LZTFL1: variants seen among roughly 807,000 people sequenced by gnomAD.
The protein encoded by LZTFL1 is leucine zipper transcription factor-like protein 1.
LZTFL1 carries 25 observed loss-of-function variants against 45.9 expected under a neutral mutation model. The observed-to-expected ratio is 0.54, with a 90% confidence interval of 0.40 to 0.76. The LOEUF is 0.76. LZTFL1 is among the 30% of genes least tolerant of loss of function. The probability of loss-of-function intolerance (pLI) is 0.00; values close to 1 mark genes in which losing one functional copy is unlikely to be tolerated. For synonymous variants in LZTFL1, 93 were observed against 117.4 expected (o/e 0.79, Z 1.35); for missense variants, 277 against 331.1 (o/e 0.84, Z 1.27).
chr3:45,842,324 G>A (rs148385408), upstream of LZTFL1, among the ~76,000 whole-genome samples: 2 of 152,384 alleles, frequency 1.3e-5, no homozygotes, highest in Non-Finnish European at 2.9e-5. Context: ...GGGCTGCCTG[G>A]AGTTGCGTGT....
At chr3:45,873,225 G>A (rs1234123214) in intron 2 of LZTFL1, among the ~76,000 whole-genome samples, 1 of 152,198 alleles carries the variant, frequency 6.6e-6, no homozygotes, top group Non-Finnish European at 1.5e-5. Flanking sequence ...TTGATTCAGT[G>A]GGCCTAGGGC....
intron 8 of LZTFL1, 37 bp downstream of exon 8, chr3:45,828,402 C>T: frequency 6.3e-7 from 1 of 1,586,604 alleles, no homozygotes; most frequent in Non-Finnish European, 8.6e-7. Flanking sequence ...ATTAATCATG[C>T]ATTAACAGAC....
chr3:45,854,565 CAA>C (rs34970124), intron 4 of LZTFL1: 6,775 of 143,448 alleles, frequency 0.047, 304 homozygotes, highest in African/African-American at 0.12. Context: ...AACTCTGTCT[CAA>C]AAAAAAAAAA....
rs1700624678 is a variant in LZTFL1 at position 45,824,875 on chromosome 3, T to G, written c.*1439A>C. 2.5e-6 allele frequency: 1 copy of G among 398,464 alleles called. No individual in the cohort carries two copies. The highest frequency in any genetic ancestry group is 2.1e-5 in the African/African-American group (1 of 48,746). 24.7% of individuals were successfully genotyped at this position (398,464 alleles called of 1,614,324 possible). On this transcript the variant is annotated 3_prime_UTR_variant, in exon 10 of 10. Transcript: ENST00000296135. ...CAGAAACTGGTAAGTGACCTAAATATGGAGAGACAGGTGAGGAGAAAATAC... is the reference window on the plus strand; with the variant it reads ...CAGAAACTGGTAAGTGACCTAAATAGGGAGAGACAGGTGAGGAGAAAATAC...
At chr3:45,838,712 C>T (rs1469094436) in intron 1 of LZTFL1, among the ~76,000 whole-genome samples, 1 of 152,206 alleles carries the variant, frequency 6.6e-6, no homozygotes, top group Non-Finnish European at 1.5e-5. Context: ...ACCCAAATAA[C>T]AGAGCAGGTC....
chr3:45,837,209 T>A (rs1700988377), intron 2 of LZTFL1, among the ~76,000 whole-genome samples: 1 of 152,214 alleles, frequency 6.6e-6, no homozygotes, highest in African/African-American at 2.4e-5. Context: ...ATATTAATAA[T>A]CTTTCTATAT....
At chr3:45,840,747 T>C (rs1163207127) in intron 1 of LZTFL1, among the ~76,000 whole-genome samples, 2 of 152,142 alleles carry the variant, frequency 1.3e-5, no homozygotes, top group Non-Finnish European at 2.9e-5. Context: ...AGAAGAGAAA[T>C]GGGTAAGGTA....
Position 45,900,674 on chromosome 3 carries a change from C to T in LZTFL1, c.-215+12446G>A, listed in dbSNP as rs2125760599. The T allele has an allele frequency of 2.5e-6, 2 of 791,274 alleles. No homozygotes were observed. Among genetic ancestry groups the T allele is most frequent in the East Asian group, 4.9e-5 (2 of 40,590 alleles). 49.0% of individuals were successfully genotyped at this position (791,274 alleles called of 1,614,324 possible). A position where few individuals can be genotyped will look rare whatever the true frequency, so the allele number is the denominator to read the frequency against. On this transcript the variant is annotated intron_variant, in intron 2 of 4. Coordinates refer to the LZTFL1 transcript ENST00000472635. The surrounding 1 kb of genome is among the most constrained non-coding windows in gnomAD (Gnocchi z 4.7). ...ATATGTCACAACCCAAGCAGATGTC[C>T]TCAGAATGCCTATGTGTCTTTGGCC...
At chr3:45,890,990 A>G (rs1388861160) in intron 2 of LZTFL1, among the ~76,000 whole-genome samples, 1 of 152,244 alleles carries the variant, frequency 6.6e-6, no homozygotes, top group South Asian at 2.1e-4. Flanking sequence ...AAAACAACAG[A>G]AAGTTAAAAG....
chr3:45,844,837 G>A (rs148493623), upstream of LZTFL1, among the ~76,000 whole-genome samples: 35 of 152,312 alleles, frequency 2.3e-4, no homozygotes, highest in African/African-American at 7.9e-4. Context: ...TGACAAACTA[G>A]ATTAGTGAAA....
At position 45,824,446 on chromosome 3, in the gene LZTFL1, T is replaced by C. The variant is rs1390306750; in HGVS notation, c.*1868A>G. ...ACATGTGAAAGAATCATCACGTTGA[T>C]TTACGTCAAAGAACATCATATTTGT... On this transcript the variant is annotated 3_prime_UTR_variant, in exon 10 of 10. Transcript: ENST00000296135. The C allele has an allele frequency of 5.8e-6, 1 of 172,394 alleles. No homozygotes were observed. Among genetic ancestry groups the C allele is most frequent in the Admixed American group, 6.3e-5 (1 of 15,884 alleles). The allele number at this position is 172,394 out of a possible 1,614,324, so 10.7% of individuals were successfully genotyped here. A position where few individuals can be genotyped will look rare whatever the true frequency, so the allele number is the denominator to read the frequency against.
At chr3:45,896,405 T>C (rs1702357914) in intron 2 of LZTFL1, among the ~76,000 whole-genome samples, 1 of 152,212 alleles carries the variant, frequency 6.6e-6, no homozygotes, top group Admixed American at 6.5e-5. Flanking sequence ...TGGCCCTGAC[T>C]CCCATATTCC....
intron 2 of LZTFL1, among the ~76,000 whole-genome samples, chr3:45,872,124 G>A (rs1701680122): frequency 6.6e-6 from 1 of 152,102 alleles, no homozygotes; most frequent in African/African-American, 2.4e-5. Context: ...TGCATCTCTT[G>A]GGGGAAAGCT....
At chr3:45,904,415 C>T (rs540116750) in intron 2 of LZTFL1, among the ~76,000 whole-genome samples, 7 of 152,292 alleles carry the variant, frequency 4.6e-5, no homozygotes, top group East Asian at 1.9e-4. Context: ...CAGGACTGGA[C>T]GCCAATGCTT....
intron 2 of LZTFL1, among the ~76,000 whole-genome samples, chr3:45,836,453 G>A (rs1363798138): frequency 2.0e-5 from 3 of 152,172 alleles, no homozygotes; most frequent in South Asian, 2.1e-4. Context: ...TCAGGAGTTC[G>A]AGACCAATCT....
chr3:45,870,753 G>A (rs912821163), intron 2 of LZTFL1, among the ~76,000 whole-genome samples: 3 of 152,156 alleles, frequency 2.0e-5, no homozygotes, highest in African/African-American at 7.2e-5. Context: ...TCATAGTAAA[G>A]CACTCGTTGA....
intron 2 of LZTFL1, among the ~76,000 whole-genome samples, chr3:45,886,870 C>A (rs1414298495): frequency 6.6e-6 from 1 of 152,132 alleles, no homozygotes; most frequent in African/African-American, 2.4e-5. Flanking sequence ...ACTCCCTCCC[C>A]CTTCACATAC....
chr3:45,862,266 T>C (rs1180374766), intron 2 of LZTFL1, among the ~76,000 whole-genome samples: 2 of 152,224 alleles, frequency 1.3e-5, no homozygotes, highest in African/African-American at 4.8e-5. Context: ...GGATCCTCCA[T>C]CTGTACCAGC....
At chr3:45,907,924 G>C (rs1702712926) in intron 2 of LZTFL1, among the ~76,000 whole-genome samples, 1 of 152,156 alleles carries the variant, frequency 6.6e-6, no homozygotes, top group South Asian at 2.1e-4. Context: ...CAGTCTTTGA[G>C]GCCAGAAAGA....
Sources: gnomAD v4.1 joint callset for allele counts (sites outside exome capture counted in the v4.1 genomes callset) on GRCh38, gnomAD v4.1.1 for gene constraint, Gnocchi (gnomAD v3.1) non-coding constraint, MANE v1.5 for transcripts, NCBI Gene and HGNC (gene_info 2026-07-23, HGNC 2026-07-21) for gene names.